Variants in MAST4 observed in about 807,000 individuals in gnomAD.
MAST4 encodes the protein microtubule associated serine/threonine kinase family member 4.
In MAST4, 89 loss-of-function variants were observed where a neutral mutation model predicts 162.7. The ratio of observed to expected loss-of-function variants is 0.55; its 90% CI spans 0.46 to 0.65. MAST4 has a LOEUF of 0.65. MAST4 is among the 30% of genes least tolerant of loss of function. The pLI is 0.00. For missense variants in MAST4, 3,153 were observed against 3,374.0 expected (o/e 0.93, Z 1.62); for synonymous variants, 1,479 against 1,361.1 (o/e 1.09, Z -1.91).
intron 4 of MAST4, among the ~76,000 whole-genome samples, chr5:66,938,001 T>G (rs1460052853): frequency 1.3e-5 from 2 of 152,108 alleles, no homozygotes; most frequent in Non-Finnish European, 2.9e-5. Context: ...AATTTTATAT[T>G]TTTCTGTGGG....
intron 1 of MAST4, among the ~76,000 whole-genome samples, chr5:66,756,187 G>A (rs1409311255): frequency 3.3e-5 from 5 of 152,158 alleles, no homozygotes; most frequent in Non-Finnish European, 7.4e-5. Flanking sequence ...TAATATTAAA[G>A]GAATCCTTCC....
intron 1 of MAST4, among the ~76,000 whole-genome samples, chr5:66,726,658 G>T (rs1365046414): frequency 6.6e-6 from 1 of 152,062 alleles, no homozygotes; most frequent in Non-Finnish European, 1.5e-5. Context: ...GGTTCTTACT[G>T]GTCCATGGCC....
At chr5:66,701,281 A>G (rs961624351) in intron 1 of MAST4, among the ~76,000 whole-genome samples, 1 of 152,168 alleles carries the variant, frequency 6.6e-6, no homozygotes, top group Admixed American at 6.5e-5. Context: ...CTTTTTAATG[A>G]ATTTACTTTA....
At chr5:67,012,525 TA>T (rs918932469) in intron 4 of MAST4, among the ~76,000 whole-genome samples, 2 of 152,204 alleles carry the variant, frequency 1.3e-5, no homozygotes, top group African/African-American at 4.8e-5. Context: ...TTTTGAAACT[TA>T]CATAGTAGAG....
chr5:67,137,176 C>T (rs1035830741), intron 19 of MAST4, among the ~76,000 whole-genome samples: 3 of 152,230 alleles, frequency 2.0e-5, no homozygotes, highest in African/African-American at 7.2e-5. Context: ...CCATGCTGTC[C>T]TGTCACAGTG....
intron 1 of MAST4, among the ~76,000 whole-genome samples, chr5:66,706,526 T>A (rs1258630913): frequency 6.6e-6 from 1 of 152,224 alleles, no homozygotes; most frequent in Non-Finnish European, 1.5e-5. Flanking sequence ...GTCCATGAGT[T>A]CCTTTTGCTG....
Position 66,931,420 on chromosome 5 carries a change from C to T in MAST4, c.674+31438C>T, listed in dbSNP as rs139730591. On this transcript the variant is annotated intron_variant, in intron 4 of 28. Coordinates refer to ENST00000403625, the MANE Select transcript of MAST4 (RefSeq NM_001164664.2). ...ATTCTTTGTTGTGAGGGTGGAATTT[C>T]TGTACTGGGTTTGTGGAAATTTCTT... Among the ~76,000 whole-genome samples, 604 of 152,048 alleles carry T rather than the reference C, an allele frequency of 4.0e-3. 2 individuals carry two copies. The highest frequency in any genetic ancestry group is 6.5e-3 in the African/African-American group (269 of 41,476).
chr5:67,012,528 A>G (rs768384803), intron 4 of MAST4, among the ~76,000 whole-genome samples: 3 of 152,194 alleles, frequency 2.0e-5, no homozygotes, highest in Non-Finnish European at 4.4e-5. Context: ...TGAAACTTAC[A>G]TAGTAGAGCC....
At chr5:66,691,774 C>T (rs904820348) in intron 1 of MAST4, among the ~76,000 whole-genome samples, 11 of 152,092 alleles carry the variant, frequency 7.2e-5, no homozygotes, top group Non-Finnish European at 8.8e-5. Context: ...CTCCACAAAG[C>T]CCTGCCTCCT....
intron 3 of MAST4, among the ~76,000 whole-genome samples, chr5:66,827,246 T>C (rs1757308408): frequency 6.6e-6 from 1 of 152,270 alleles, no homozygotes; most frequent in South Asian, 2.1e-4. Flanking sequence ...GTTTTTGTGC[T>C]GTATTTTGCT....
At chr5:66,815,836 G>A (rs1403748385) in intron 3 of MAST4, among the ~76,000 whole-genome samples, 3 of 152,256 alleles carry the variant, frequency 2.0e-5, no homozygotes, top group South Asian at 2.1e-4. Context: ...CCTCACAAAC[G>A]TCCTTACCTG....
At chr5:66,725,084 G>A (rs1211025479) in intron 1 of MAST4, among the ~76,000 whole-genome samples, 2 of 150,936 alleles carry the variant, frequency 1.3e-5, no homozygotes, top group African/African-American at 4.9e-5. Context: ...CTGGTCATAT[G>A]ATTTTTCTGT....
At chr5:66,728,922 C>G (rs1291342329) in intron 1 of MAST4, among the ~76,000 whole-genome samples, 13 of 152,194 alleles carry the variant, frequency 8.5e-5, no homozygotes, top group Non-Finnish European at 4.4e-5. Flanking sequence ...AGAGGCTTAC[C>G]CTGAGGGGAG....
intron 1 of MAST4, among the ~76,000 whole-genome samples, chr5:66,633,656 A>C (rs1441491305): frequency 6.6e-6 from 1 of 152,222 alleles, no homozygotes; most frequent in African/African-American, 2.4e-5. Flanking sequence ...GATAGTTTCA[A>C]GAATTCAAAT....
At chr5:67,014,526 G>T (rs1391636541) in intron 4 of MAST4, among the ~76,000 whole-genome samples, 2 of 152,160 alleles carry the variant, frequency 1.3e-5, no homozygotes, top group Admixed American at 6.5e-5. Flanking sequence ...TTGAACCGTG[G>T]AATAAAAGTT....
At chr5:67,047,959 G>T (rs10515036) in intron 4 of MAST4, among the ~76,000 whole-genome samples, 1 of 151,934 alleles carries the variant, frequency 6.6e-6, no homozygotes, top group East Asian at 1.9e-4. Context: ...AGAAAGGGTC[G>T]ACTGATTTAC....
intron 1 of MAST4, among the ~76,000 whole-genome samples, chr5:66,693,247 T>C (rs1354912895): frequency 6.6e-6 from 1 of 152,188 alleles, no homozygotes. Context: ...ACATGAATTA[T>C]AAATGTTTTA....
intron 4 of MAST4, among the ~76,000 whole-genome samples, chr5:67,000,787 C>A (rs540616470): frequency 6.7e-6 from 1 of 150,286 alleles, no homozygotes; most frequent in Admixed American, 6.7e-5. Flanking sequence ...AACAGGTGGG[C>A]AGTAGACAGA....
chr5:66,976,258 G>A (rs554809035), intron 4 of MAST4, among the ~76,000 whole-genome samples: 6 of 152,344 alleles, frequency 3.9e-5, no homozygotes, highest in Admixed American at 2.0e-4. Context: ...TTTCTGGAAC[G>A]CACTCAGATA....
Sources: allele counts gnomAD v4.1 joint callset (sites outside exome capture counted in the v4.1 genomes callset), GRCh38; gene constraint gnomAD v4.1.1; transcripts MANE v1.5; gene names NCBI Gene and HGNC (gene_info 2026-07-23, HGNC 2026-07-21).